The following MKLN1 variants were observed in gnomAD, a reference collection of about 807,000 sequenced individuals.
The protein encoded by MKLN1 is muskelin.
In MKLN1, 18 loss-of-function variants were observed where a neutral mutation model predicts 99.0. The ratio of observed to expected loss-of-function variants is 0.18; its 90% CI spans 0.13 to 0.27. The LOEUF is 0.27. MKLN1 is among the 10% of genes least tolerant of loss of function. The pLI is 1.00. For synonymous variants in MKLN1, 288 were observed against 293.2 expected (o/e 0.98, Z 0.18); for missense variants, 621 against 875.9 (o/e 0.71, Z 3.67).
chr7:131,255,987 C>T (rs1177579602), intron 3 of MKLN1, among the ~76,000 whole-genome samples: 1 of 151,574 alleles, frequency 6.6e-6, no homozygotes, highest in African/African-American at 2.4e-5. Flanking sequence ...CTCACTGCAA[C>T]CTTCACCTCC....
intron 1 of MKLN1, among the ~76,000 whole-genome samples, chr7:131,129,381 T>C (rs1795514797): frequency 1.3e-5 from 2 of 152,090 alleles, no homozygotes; most frequent in Non-Finnish European, 2.9e-5. Context: ...CCTAAGAAAA[T>C]AACTACAGGT....
intron 3 of MKLN1, among the ~76,000 whole-genome samples, chr7:131,296,514 A>T (rs1798294066): frequency 6.6e-6 from 1 of 152,150 alleles, no homozygotes; most frequent in African/African-American, 2.4e-5. Context: ...ATCAGTTTGA[A>T]GTTTCAATTT....
chr7:131,411,079 C>G (rs1794859270), intron 6 of MKLN1, among the ~76,000 whole-genome samples: 1 of 151,980 alleles, frequency 6.6e-6, no homozygotes, highest in African/African-American at 2.4e-5. Context: ...ATGAGCTTCC[C>G]CTAAAGCAAT....
chr7:131,283,346 CTCCTTCCTTCCT>C (rs1175927858), intron 3 of MKLN1, among the ~76,000 whole-genome samples: 3 of 51,416 alleles, frequency 5.8e-5, no homozygotes, highest in African/African-American at 2.5e-4. Flanking sequence ...TTCCCTTCCC[CTCCTTCCTTCCT>C]TCCTTCCTTC....
intron 3 of MKLN1, among the ~76,000 whole-genome samples, chr7:131,223,152 C>G (rs540593618): frequency 6.6e-6 from 1 of 152,206 alleles, no homozygotes; most frequent in South Asian, 2.1e-4. Flanking sequence ...TGTTGCCAAT[C>G]TGGGTGAGTT....
chr7:131,262,100 C>T (rs1234761759), intron 3 of MKLN1, among the ~76,000 whole-genome samples: 1 of 152,004 alleles, frequency 6.6e-6, no homozygotes. Context: ...ATGCAATTTA[C>T]CTATATAACA....
At chr7:131,321,250 TAA>T (rs1051396827) in intron 3 of MKLN1, among the ~76,000 whole-genome samples, 1 of 100,368 alleles carries the variant, frequency 1.0e-5, no homozygotes, top group Admixed American at 1.2e-4. Context: ...TATGCAGCTA[TAA>T]AAAAAGAGTT....
At chr7:131,165,888 T>G (rs1402144998) in intron 2 of MKLN1, among the ~76,000 whole-genome samples, 1 of 152,074 alleles carries the variant, frequency 6.6e-6, no homozygotes, top group Non-Finnish European at 1.5e-5. Flanking sequence ...GCCAAGGCAG[T>G]CAGATCGCTT....
chr7:131,395,807 G>A (rs1435186224), intron 4 of MKLN1, among the ~76,000 whole-genome samples: 4 of 151,372 alleles, frequency 2.6e-5, no homozygotes, highest in Non-Finnish European at 5.9e-5. Context: ...TAATTAATTG[G>A]AGAGAGCTAC....
intron 3 of MKLN1, among the ~76,000 whole-genome samples, chr7:131,270,147 C>T (rs1265065882): frequency 2.0e-5 from 3 of 152,104 alleles, no homozygotes; most frequent in Non-Finnish European, 2.9e-5. Flanking sequence ...TGGTCTCGAT[C>T]TCCCGACTTC....
intron 10 of MKLN1, among the ~76,000 whole-genome samples, chr7:131,440,349 G>A (rs1298600949): frequency 6.6e-6 from 1 of 152,174 alleles, no homozygotes; most frequent in Non-Finnish European, 1.5e-5. Context: ...TTCACCGGAA[G>A]TGCCATATTT....
chr7:131,442,661 C>T (rs1320175601), intron 10 of MKLN1, among the ~76,000 whole-genome samples: 1 of 152,148 alleles, frequency 6.6e-6, no homozygotes, highest in Admixed American at 6.5e-5. Flanking sequence ...TTTAGCAAAA[C>T]ATAGATGTTT....
intron 3 of MKLN1, among the ~76,000 whole-genome samples, chr7:131,294,809 G>C (rs989639948): frequency 6.6e-6 from 1 of 152,162 alleles, no homozygotes; most frequent in Non-Finnish European, 1.5e-5. Context: ...ATTCCAGGCT[G>C]CCTGGTGCCA....
At chr7:131,328,216 GGT>G (rs1798950221) in intron 1 of MKLN1, 2 of 567,834 alleles carry the variant, frequency 3.5e-6, no homozygotes, top group South Asian at 2.3e-5. Context: ...GAAGGGGCGA[GGT>G]GTGTGGCGGA....
In MKLN1 at chr7:131,371,546, A is replaced by G. The variant is rs566063436; in HGVS notation, c.99-3878A>G. Reference sequence around the variant, plus strand: ...TTTCAGCCCCAGATAGCCAATTGCCATATCTAATAGGCATGTGAAAATTCA... The same window carrying G: ...TTTCAGCCCCAGATAGCCAATTGCCGTATCTAATAGGCATGTGAAAATTCA... On this transcript the variant is annotated intron_variant, in intron 1 of 17. Coordinates refer to ENST00000352689, the MANE Select transcript of MKLN1 (RefSeq NM_013255.5). 9.5e-4 allele frequency among the ~76,000 whole-genome samples: 144 copies of G among 152,270 alleles called. 1 individual carries two copies. The highest frequency in any genetic ancestry group is 3.4e-3 in the African/African-American group (142 of 41,542).
In MKLN1 at chr7:131,251,896, C is replaced by G. The variant is rs116747472; in HGVS notation, c.-179+48922C>G. On this transcript the variant is annotated intron_variant, in intron 3 of 7. Coordinates refer to the MKLN1 transcript ENST00000416992. ...GTTTTGCCATGTTTTCCAGGTTGGT[C>G]TTGAACTCCTGGGCTCAAGCAGTCC... 1.4e-3 allele frequency among the ~76,000 whole-genome samples: 218 copies of G among 152,194 alleles called. 2 individuals carry two copies. Among genetic ancestry groups the G allele is most frequent in the African/African-American group, 4.8e-3 (200 of 41,524 alleles).
chr7:131,308,256 A>G (rs1584904325), intron 3 of MKLN1, among the ~76,000 whole-genome samples: 1 of 145,826 alleles, frequency 6.9e-6, no homozygotes. Context: ...ACCCAGTCTC[A>G]CGTAGTTTTT....
intron 15 of MKLN1, among the ~76,000 whole-genome samples, chr7:131,469,205 G>A (rs1411325772): frequency 6.6e-6 from 1 of 151,882 alleles, no homozygotes; most frequent in Non-Finnish European, 1.5e-5. Context: ...AAGATAGATG[G>A]ATGGATGGAT....
chr7:131,231,582 C>T (rs928263844), intron 3 of MKLN1, among the ~76,000 whole-genome samples: 48 of 152,090 alleles, frequency 3.2e-4, no homozygotes, highest in Non-Finnish European at 1.2e-4. Context: ...AGGATGGATG[C>T]GTTGAGGCTG....
Sources: allele counts gnomAD v4.1 joint callset (sites outside exome capture counted in the v4.1 genomes callset), GRCh38; gene constraint gnomAD v4.1.1; transcripts MANE v1.5; gene names NCBI Gene and HGNC (gene_info 2026-07-23, HGNC 2026-07-21).